The following ADCY2 variants were observed in gnomAD, a reference collection of about 807,000 sequenced individuals.
ADCY2 encodes the protein adenylate cyclase 2, also known as adenylate cyclase type 2.
A neutral mutation model predicts 125.2 loss-of-function variants in ADCY2; 31 were observed. The ratio of observed to expected loss-of-function variants is 0.25; its 90% CI spans 0.19 to 0.33. The LOEUF is 0.33. Among genes scored for constraint, ADCY2 ranks in the 10% least tolerant of loss-of-function variants. ADCY2 has a pLI of 1.00. For synonymous variants in ADCY2, 512 were observed against 548.4 expected (o/e 0.93, Z 0.93); for missense variants, 904 against 1,418.2 (o/e 0.64, Z 5.82).
intron 10 of ADCY2, among the ~76,000 whole-genome samples, chr5:7,712,262 T>C (rs975325145): frequency 1.3e-5 from 2 of 152,232 alleles, no homozygotes; most frequent in African/African-American, 4.8e-5. Context: ...AAGCCTATTA[T>C]TGAATATTTG....
intron 3 of ADCY2, among the ~76,000 whole-genome samples, chr5:7,526,784 C>T (rs913848654): frequency 2.0e-5 from 3 of 151,934 alleles, no homozygotes; most frequent in Admixed American, 6.6e-5. Context: ...AACTGAATTT[C>T]GAAGAAACAT....
chr5:7,562,071 A>G (rs1182959895), intron 3 of ADCY2, among the ~76,000 whole-genome samples: 1 of 152,036 alleles, frequency 6.6e-6, no homozygotes, highest in African/African-American at 2.4e-5. Flanking sequence ...TGATTCCATG[A>G]ATGGGTTTAT....
intron 18 of ADCY2, among the ~76,000 whole-genome samples, chr5:7,783,515 C>T (rs904002370): frequency 1.3e-5 from 2 of 151,904 alleles, no homozygotes; most frequent in African/African-American, 4.8e-5. Flanking sequence ...GTCCTTGAAC[C>T]CCCCACAGAG....
chr5:7,704,511 A>C (rs1285417985), intron 7 of ADCY2, among the ~76,000 whole-genome samples: 1 of 151,874 alleles, frequency 6.6e-6, no homozygotes, highest in Non-Finnish European at 1.5e-5. Context: ...TTTACCTACT[A>C]CTCTTGCAAG....
chr5:7,723,943 A>AAAAG (rs778086811), intron 12 of ADCY2, among the ~76,000 whole-genome samples: 1 of 143,906 alleles, frequency 6.9e-6, no homozygotes, highest in African/African-American at 2.6e-5. Flanking sequence ...AAAAAAAAAA[A>AAAAG]AGAGAAAAGA....
intron 4 of ADCY2, among the ~76,000 whole-genome samples, chr5:7,666,255 AG>A (rs1438929314): frequency 6.6e-6 from 1 of 151,876 alleles, no homozygotes; most frequent in Non-Finnish European, 1.5e-5. Context: ...GGCTGCCAGG[AG>A]GAAAGGAACT....
At chr5:7,819,765 C>T (rs918819309) in intron 23 of ADCY2, among the ~76,000 whole-genome samples, 3 of 152,182 alleles carry the variant, frequency 2.0e-5, no homozygotes, top group Non-Finnish European at 2.9e-5. Flanking sequence ...CCAACAAAAG[C>T]GATGGGACAA....
chr5:7,487,724 G>A (rs901373069), intron 2 of ADCY2, among the ~76,000 whole-genome samples: 2 of 152,176 alleles, frequency 1.3e-5, no homozygotes, highest in African/African-American at 4.8e-5. Flanking sequence ...GTTGTCTGAG[G>A]TCATGGTGCT....
At chr5:7,756,568 T>G (rs1430755979) in intron 15 of ADCY2, among the ~76,000 whole-genome samples, 22 of 152,134 alleles carry the variant, frequency 1.4e-4, no homozygotes, top group Non-Finnish European at 1.5e-5. Flanking sequence ...CTGAAAGAAA[T>G]AAGCCAGTCA....
At chr5:7,493,294 C>T (rs1246391177) in intron 2 of ADCY2, among the ~76,000 whole-genome samples, 2 of 152,098 alleles carry the variant, frequency 1.3e-5, no homozygotes, top group Non-Finnish European at 2.9e-5. Context: ...AAAAGGTTCT[C>T]AGCAGGGCTT....
At chr5:7,444,095 G>C (rs995424170) in intron 2 of ADCY2, among the ~76,000 whole-genome samples, 1 of 148,152 alleles carries the variant, frequency 6.7e-6, no homozygotes, top group Non-Finnish European at 1.5e-5. Flanking sequence ...AGTTCTGCTG[G>C]TTTTGGTTTT....
chr5:7,641,270 C>T (rs1406985093), intron 4 of ADCY2, among the ~76,000 whole-genome samples: 3 of 152,144 alleles, frequency 2.0e-5, no homozygotes, highest in African/African-American at 4.8e-5. Flanking sequence ...CTGTCCATTA[C>T]ATCTGCCCCA....
Position 7,396,545 on chromosome 5 carries a change from C to T in ADCY2, c.210+39C>T. The T allele has an allele frequency of 6.6e-7, 1 of 1,526,044 alleles. No homozygotes were observed. Among genetic ancestry groups the T allele is most frequent in the South Asian group, 1.2e-5 (1 of 84,926 alleles). The allele number at this position is 1,526,044 out of a possible 1,614,324, so 94.5% of individuals were successfully genotyped here. A position where few individuals can be genotyped will look rare whatever the true frequency, so the allele number is the denominator to read the frequency against. ...CCGCGGGTCCAGCGCCGCGCCTTCC[C>T]CGGCCCTGAGAGGAGCCCGGCCAGC... On this transcript the variant is annotated intron_variant, in intron 1 of 24. Transcript: ENST00000338316. The surrounding 1 kb of genome is among the most constrained non-coding windows in gnomAD (Gnocchi z 5.7).
intron 2 of ADCY2, among the ~76,000 whole-genome samples, chr5:7,421,853 CAT>C (rs889306420): frequency 2.0e-5 from 3 of 152,104 alleles, no homozygotes. Context: ...GGGTTTTTGC[CAT>C]TATACAAACC....
At chr5:7,462,700 G>A (rs1741956511) in intron 2 of ADCY2, among the ~76,000 whole-genome samples, 1 of 152,220 alleles carries the variant, frequency 6.6e-6, no homozygotes, top group African/African-American at 2.4e-5. Flanking sequence ...TTTAGTATAT[G>A]CTTTGCTTTA....
intron 3 of ADCY2, among the ~76,000 whole-genome samples, chr5:7,568,015 A>C (rs893197902): frequency 6.8e-5 from 10 of 147,644 alleles, no homozygotes; most frequent in Non-Finnish European, 7.5e-5. Context: ...CACCTTTTTC[A>C]TTAGAGCTGG....
Position 7,521,691 on chromosome 5 carries a change from T to C in ADCY2, c.570+792T>C, listed in dbSNP as rs116526322. ...TAGGCATAGGTCACCTAAGCCCTGC[T>C]GGGTCTGAGAAACCAGTTTTTCTTT... On this transcript the variant is annotated intron_variant, in intron 3 of 24. Coordinates refer to ENST00000338316, the MANE Select transcript of ADCY2 (RefSeq NM_020546.3). Among the ~76,000 whole-genome samples, 425 of 152,364 alleles carry C rather than the reference T, an allele frequency of 2.8e-3. 5 individuals carry two copies. The highest frequency in any genetic ancestry group is 9.7e-3 in the African/African-American group (405 of 41,592).
chr5:7,465,814 A>G (rs1324961111), intron 2 of ADCY2, among the ~76,000 whole-genome samples: 3 of 152,182 alleles, frequency 2.0e-5, no homozygotes, highest in South Asian at 2.1e-4. Flanking sequence ...CTTAGAATAT[A>G]TGTAATGGGG....
intron 12 of ADCY2, among the ~76,000 whole-genome samples, chr5:7,721,710 T>C (rs1741767622): frequency 6.6e-6 from 1 of 152,232 alleles, no homozygotes; most frequent in African/African-American, 2.4e-5. Context: ...TGGTTGTAGA[T>C]GTGTGTATTA....
Sources: allele counts gnomAD v4.1 joint callset (sites outside exome capture counted in the v4.1 genomes callset), GRCh38; gene constraint gnomAD v4.1.1; non-coding constraint Gnocchi (gnomAD v3.1); transcripts MANE v1.5; gene names NCBI Gene and HGNC (gene_info 2026-07-23, HGNC 2026-07-21).